The following CLPTM1L variants were observed in gnomAD, a reference collection of about 807,000 sequenced individuals.
CLPTM1L encodes CLPTM1 like.
A neutral mutation model predicts 70.9 loss-of-function variants in CLPTM1L; 38 were observed. The ratio of observed to expected loss-of-function variants is 0.54; its 90% CI spans 0.41 to 0.70. The LOEUF is 0.70. Ranked by LOEUF, CLPTM1L falls within the 30% of genes least tolerant of loss-of-function variation. The pLI is 0.00. For missense variants in CLPTM1L, 652 were observed against 705.9 expected (o/e 0.92, Z 0.87); for synonymous variants, 339 against 299.9 (o/e 1.13, Z -1.35).
At chr5:1,323,301 T>C (rs113061066) in intron 12 of CLPTM1L, among the ~76,000 whole-genome samples, 21 of 111,672 alleles carry the variant, frequency 1.9e-4, no homozygotes, top group East Asian at 7.3e-4. Flanking sequence ...GGCTCCGGGA[T>C]CCCTCTTGGC....
chr5:1,322,733 C>T (rs1752230964), intron 13 of CLPTM1L, 144 bp downstream of exon 13: 1 of 818,570 alleles, frequency 1.2e-6, no homozygotes, highest in Non-Finnish European at 2.1e-6. Context: ...GAGCCCTGGG[C>T]ACCGCACATG....
chr5:1,337,884 C>A lies in CLPTM1L; in HGVS notation c.678+20G>T, dbSNP rs574726496. On this transcript the variant is annotated intron_variant, in intron 5 of 16. Transcript: ENST00000320895. ...AGTGTCTCGCCAGCTGCACAACCAGCGGGCAGAGGTGTCACTCACCATCAG... is the reference window on the plus strand; with the variant it reads ...AGTGTCTCGCCAGCTGCACAACCAGAGGGCAGAGGTGTCACTCACCATCAG... The A allele has an allele frequency of 1.9e-6, 3 of 1,569,952 alleles. No individual in the cohort carries two copies. Among genetic ancestry groups the A allele is most frequent in the Non-Finnish European group, 2.6e-6 (3 of 1,157,784 alleles).
chr5:1,322,929 G>T lies in CLPTM1L; in HGVS notation c.1281-18C>A, dbSNP rs374768502. 1 of 1,605,086 alleles carries T rather than the reference G, an allele frequency of 6.2e-7. No homozygotes were observed. The highest frequency in any genetic ancestry group is 8.5e-7 in the Non-Finnish European group (1 of 1,171,744). ...AGTACCAGCTGAAACGGAAAAAAAA[G>T]GAGAAGTCCTATTTCTCGCATAGCT... is the stretch of plus-strand genomic sequence containing the variant. On this transcript the variant is annotated intron_variant, in intron 12 of 16. Transcript: ENST00000320895.
rs750079318 is a variant in CLPTM1L, at chr5:1,338,900, C to T, written c.559G>A (p.Gly187Arg). ...TGCACATCGGCAGGCAGGGAGGACC[C>T]GTCAAAGACAAAGTTGTCCGCCATC... is the stretch of plus-strand genomic sequence containing the variant. ...NVMADNFVFD[G>R]SSLPADVHRY... The change falls in exon 4 of 17, where the codon GGG becomes AGG. Residue 187 changes from glycine (G) to arginine (R), a missense_variant. Physicochemically the swap from Gly to Arg is moderately radical, Grantham distance 125. Coordinates refer to ENST00000320895, the MANE Select transcript of CLPTM1L (RefSeq NM_030782.5). 28 of 1,613,208 alleles carry T rather than the reference C, an allele frequency of 1.7e-5. No individual in the cohort carries two copies. Among genetic ancestry groups the T allele is most frequent in the Middle Eastern group, 3.3e-4 (2 of 6,084 alleles).
chr5:1,331,787 C>CG lies in CLPTM1L; in HGVS notation c.976+11dup, dbSNP rs1753109228. On this transcript the variant is annotated intron_variant, in intron 8 of 16. Transcript: ENST00000320895. Reference sequence around the variant, plus strand: ...CAGAGTATCTGAGCAGGGCCACGCTCGGGGGGCCTACCTGCCTTGGTGGAC... The same window carrying CG: ...CAGAGTATCTGAGCAGGGCCACGCTCGGGGGGGCCTACCTGCCTTGGTGGAC... 6.2e-7 allele frequency: 1 copy of CG among 1,612,304 alleles called. No homozygotes were observed. Among genetic ancestry groups the CG allele is most frequent in the Non-Finnish European group, 8.5e-7 (1 of 1,179,476 alleles).
Position 1,323,814 on chromosome 5 carries a change from T to A in CLPTM1L, c.1253A>T (p.Tyr418Phe). The A allele has an allele frequency of 6.2e-7, 1 of 1,613,558 alleles. No homozygotes were observed. Residue 418 changes from tyrosine to phenylalanine, a missense_variant, in exon 12 of 17, where the codon TAT becomes TTT. Physicochemically the swap from Tyr to Phe is conservative, Grantham distance 22. Coordinates refer to ENST00000320895, the MANE Select transcript of CLPTM1L (RefSeq NM_030782.5). Reference sequence around the variant, plus strand: ...CTTATATTTGATATTCAGGAGTGAATAGACAGCACCCCCGACACAGAGAGG... The same window carrying A: ...CTTATATTTGATATTCAGGAGTGAAAAGACAGCACCCCCGACACAGAGAGG... Reference protein sequence around the residue: ...LYPLCVGGAVYSLLNIKYKSW... With the variant: ...LYPLCVGGAVFSLLNIKYKSW...
At chr5:1,326,727 C>T (rs556288879) in intron 9 of CLPTM1L, among the ~76,000 whole-genome samples, 54 of 151,310 alleles carry the variant, frequency 3.6e-4, no homozygotes, top group Middle Eastern at 3.4e-3. Context: ...TCCTCCTCTA[C>T]GGGGACATTT....
intron 7 of CLPTM1L, 85 bp downstream of exon 7, chr5:1,334,204 C>T (rs1488236210): frequency 5.2e-6 from 5 of 955,346 alleles, no homozygotes; most frequent in East Asian, 2.4e-5. Context: ...CGCCCACAAA[C>T]CCCAGGTCCA....
chr5:1,336,902 A>AG (rs1753606232), intron 5 of CLPTM1L, among the ~76,000 whole-genome samples: 1 of 152,176 alleles, frequency 6.6e-6, no homozygotes, highest in Admixed American at 6.5e-5. Context: ...GCCTGGGCAG[A>AG]GATCAAAGCA....
intron 4 of CLPTM1L, 31 bp from the exon 5 acceptor site, chr5:1,338,013 G>A: frequency 1.3e-6 from 2 of 1,559,844 alleles, no homozygotes; most frequent in Non-Finnish European, 1.7e-6. Flanking sequence ...TCCAAAGTCA[G>A]CACCAAGGCT....
In CLPTM1L at chr5:1,330,315, C is replaced by T. The variant is rs140176078; in HGVS notation, c.1045G>A (p.Val349Met). 6.2e-7 allele frequency: 1 copy of T among 1,612,724 alleles called. No individual in the cohort carries two copies. The highest frequency in any genetic ancestry group is 8.5e-7 in the Non-Finnish European group (1 of 1,179,998). The part of the protein sequence containing the change: ...FLLDEQTSLL[V>M]LVPAGVGAAI... ...GCTCCAACACCCGCCGGGACCAGCA[C>T]CAGCAGGCTCGTCTGCTCGTCCAGC... is the stretch of plus-strand genomic sequence containing the variant. Residue 349 changes from valine to methionine, a missense_variant, in exon 9 of 17, where the codon GTG (valine) becomes ATG (methionine). By Grantham distance (21) the Val-to-Met change is conservative (BLOSUM62 1). This residue lies in a region of CLPTM1L where 240 missense variants were observed against 295.0 expected (regional missense o/e 0.81). Coordinates refer to ENST00000320895, the MANE Select transcript of CLPTM1L (RefSeq NM_030782.5).
intron 5 of CLPTM1L, among the ~76,000 whole-genome samples, chr5:1,336,546 A>T (rs542879852): frequency 6.6e-6 from 1 of 152,348 alleles, no homozygotes; most frequent in Admixed American, 6.5e-5. Flanking sequence ...ATGAGGCTTC[A>T]CAAGAGGTGA....
chr5:1,325,087 A>G lies in CLPTM1L; in HGVS notation c.1147-274T>C, dbSNP rs1299958689. The G allele has an allele frequency of 1.3e-5, 7 of 559,338 alleles. No individual in the cohort carries two copies. The Admixed American group carries it at 2.2e-4, about 17-fold the overall frequency. 34.6% of individuals were successfully genotyped at this position (559,338 alleles called of 1,614,324 possible). A position where few individuals can be genotyped will look rare whatever the true frequency, so the allele number is the denominator to read the frequency against. ...CTCAGGTGGCTCAGTTTTCAGTGCC[A>G]CCGCTTCAGTGAGAACACTGCAGAG... On this transcript the variant is annotated intron_variant, in intron 10 of 16. Coordinates refer to ENST00000320895, the MANE Select transcript of CLPTM1L (RefSeq NM_030782.5).
chr5:1,323,530 G>C (rs1752313986), intron 12 of CLPTM1L, among the ~76,000 whole-genome samples: 1 of 152,210 alleles, frequency 6.6e-6, no homozygotes, highest in South Asian at 2.1e-4. Flanking sequence ...AGGGGCTCCA[G>C]GACCCCTCTC....
intron 12 of CLPTM1L, 37 bp downstream of exon 12, chr5:1,323,750 G>C: frequency 6.4e-7 from 1 of 1,562,930 alleles, no homozygotes. Flanking sequence ...TTTCTCAGGG[G>C]AAAGACGCAG....
intron 8 of CLPTM1L, chr5:1,331,335 C>T (rs1277459663): frequency 5.7e-6 from 1 of 175,658 alleles, no homozygotes; most frequent in Non-Finnish European, 1.2e-5. Context: ...GGCACAGCAC[C>T]ACGGGCCTAT....
rs1561238917 is a variant in CLPTM1L at position 1,329,701 on chromosome 5, G to GCCTCAGGACTCTCTGCCTGGTGGACAGA, written c.1080+578_1080+579insTCTGTCCACCAGGCAGAGAGTCCTGAGG. Among the ~76,000 whole-genome samples, 41 of 44,292 alleles carry GCCTCAGGACTCTCTGCCTGGTGGACAGA rather than the reference G, an allele frequency of 9.3e-4. 1 individual carries two copies. Among genetic ancestry groups the GCCTCAGGACTCTCTGCCTGGTGGACAGA allele is most frequent in the Non-Finnish European group, 1.6e-3 (31 of 19,422 alleles). The allele number at this position is 44,292 out of a possible 152,430, so 29.1% of individuals were successfully genotyped here. A position where few individuals can be genotyped will look rare whatever the true frequency, so the allele number is the denominator to read the frequency against. On this transcript the variant is annotated intron_variant, in intron 9 of 16. Coordinates refer to ENST00000320895, the MANE Select transcript of CLPTM1L (RefSeq NM_030782.5). ...TCAGGACTCTCTGCCTGGTGGACAG[G>GCCTCAGGACTCTCTGCCTGGTGGACAGA]GCCTCAGGACTCTCTGCTTGGTGGA...
chr5:1,324,948 C>G, intron 10 of CLPTM1L, 135 bp from the exon 11 acceptor site: 1 of 754,856 alleles, frequency 1.3e-6, no homozygotes. Context: ...CAGGTCCCTA[C>G]CAGGCGAGGA....
At chr5:1,320,882 C>T (rs544738628) in intron 15 of CLPTM1L, 151 bp from the exon 16 acceptor site, 97 of 563,586 alleles carry the variant, frequency 1.7e-4, no homozygotes, top group African/African-American at 1.7e-3. Flanking sequence ...AGAAAGCCGG[C>T]AAGTGGAGAT....
Sources: gnomAD v4.1 joint callset for allele counts (sites outside exome capture counted in the v4.1 genomes callset) on GRCh38, gnomAD v4.1.1 for gene constraint, gnomAD v4.1.1 regional missense constraint, MANE v1.5 for transcripts, NCBI Gene and HGNC (gene_info 2026-07-23, HGNC 2026-07-21) for gene names.